Variants in DPCD observed in about 807,000 individuals in gnomAD.
The protein encoded by DPCD is deleted in primary ciliary dyskinesia homolog (mouse).
DPCD carries 20 observed loss-of-function variants against 26.4 expected under a neutral mutation model. The observed-to-expected ratio is 0.76, with a 90% CI of 0.53 to 1.10. The LOEUF is 1.10. Among genes scored for constraint, DPCD ranks in the 50% least tolerant of loss-of-function variants. The pLI, the probability that DPCD is intolerant of heterozygous loss-of-function variation, is 0.00. For missense variants in DPCD, 202 were observed against 253.9 expected, an observed-to-expected ratio of 0.80 and a Z score of 1.39; for synonymous variants, 97 against 94.2, an observed-to-expected ratio of 1.03 and a Z score of -0.17.
intron 1 of DPCD, among the ~76,000 whole-genome samples, chr10:101,589,564 C>T (rs2063565139): frequency 6.6e-6 from 1 of 151,798 alleles, no homozygotes; most frequent in Non-Finnish European, 1.5e-5. Flanking sequence ...GCAACATGGC[C>T]AAACCTCATC....
intron 2 of DPCD, among the ~76,000 whole-genome samples, chr10:101,597,298 G>C (rs961972164): frequency 3.9e-5 from 6 of 152,176 alleles, no homozygotes; most frequent in African/African-American, 1.4e-4. Context: ...TGACCCACTC[G>C]ATTCCCTTCG....
chr10:101,591,281 T>C (rs1014433108), intron 1 of DPCD, among the ~76,000 whole-genome samples: 2 of 152,246 alleles, frequency 1.3e-5, no homozygotes, highest in Admixed American at 1.3e-4. Context: ...GCTCTGAACA[T>C]GAGTATACAA....
chr10:101,609,229 T>C (rs564944476), intron 5 of DPCD, 138 bp from the exon 6 acceptor site: 2 of 816,360 alleles, frequency 2.4e-6, no homozygotes, highest in African/African-American at 3.4e-5. Flanking sequence ...CACATGACCT[T>C]GAGCAAATCA....
intron 4 of DPCD, among the ~76,000 whole-genome samples, chr10:101,604,252 T>C (rs1209000098): frequency 6.6e-6 from 1 of 152,262 alleles, no homozygotes; most frequent in East Asian, 1.9e-4. Flanking sequence ...TATAAATGTA[T>C]ATATAAAGTC....
chr10:101,596,017 A>C (rs1169225548), intron 2 of DPCD, among the ~76,000 whole-genome samples: 1 of 152,210 alleles, frequency 6.6e-6, no homozygotes, highest in African/African-American at 2.4e-5. Flanking sequence ...CACACAGAGC[A>C]AATAAAACAG....
In DPCD at chr10:101,608,944, T is replaced by C. The variant is rs1390864759; in HGVS notation, c.507+7T>C. The C allele has an allele frequency of 6.2e-7, 1 of 1,607,456 alleles. No individual in the cohort carries two copies. The highest frequency in any genetic ancestry group is 1.7e-5 in the Admixed American group (1 of 59,998). ...CTGCACCCTGATCATCTCTGTAAGA[T>C]TCACCCAGACTTCTTGGACACTGCA... is the stretch of plus-strand genomic sequence containing the variant. On this transcript the variant is annotated splice_region_variant and intron_variant, in intron 5 of 5. Transcript: ENST00000370151.
rs1273852864 is a variant in DPCD at position 101,601,207 on chromosome 10, T to C, written c.275T>C (p.Ile92Thr). Reference sequence around the variant, plus strand: ...AGTTGGATTTGCCTTCTGCAGCCTATCTTCATGCGCAAGGACACCAAGATG... The same window carrying C: ...AGTTGGATTTGCCTTCTGCAGCCTACCTTCATGCGCAAGGACACCAAGATG... ...ELIKESNANP[I>T]FMRKDTKMSF... Residue 92 changes from isoleucine to threonine, a missense_variant, in exon 4 of 6, where the codon ATC becomes ACC. By Grantham distance (89) the Ile-to-Thr change is moderately conservative. This residue lies in a region of DPCD where 118 missense variants were observed against 145.1 expected (regional missense o/e 0.81). Coordinates refer to ENST00000370151, the MANE Select transcript of DPCD (RefSeq NM_015448.3). 1.2e-6 allele frequency: 2 copies of C among 1,613,748 alleles called. No individual in the cohort carries two copies. The highest frequency in any genetic ancestry group is 1.1e-5 in the South Asian group (1 of 91,042).
At chr10:101,596,928 A>G (rs1407368377) in intron 2 of DPCD, among the ~76,000 whole-genome samples, 3 of 152,220 alleles carry the variant, frequency 2.0e-5, no homozygotes, top group South Asian at 2.1e-4. Flanking sequence ...AGAATTGCCA[A>G]TAGGTGTGCG....
rs1255147201 is a variant in DPCD at position 101,588,397 on chromosome 10, G to A, written c.61G>A (p.Asp21Asn). ...AGCCCAGAAGACTGCGCTGCTGCAG[G>A]ACGGTAACTCGAGGGTCCCCACGGG... ...RTAQKTALLQ[D>N]GRRKVHYLFP... is the part of the protein sequence containing the mutation. Residue 21 changes from aspartate (D) to asparagine (N), a missense_variant, in exon 1 of 6, where the codon GAC (aspartate) becomes AAC (asparagine). Asp to Asn is a conservative substitution (Grantham distance 23). Coordinates refer to ENST00000370151, the MANE Select transcript of DPCD (RefSeq NM_015448.3). 1 of 1,593,404 alleles carries A rather than the reference G, an allele frequency of 6.3e-7. No homozygotes were observed. Among genetic ancestry groups the A allele is most frequent in the East Asian group, 2.3e-5 (1 of 44,172 alleles).
intron 1 of DPCD, among the ~76,000 whole-genome samples, chr10:101,588,848 C>G (rs1384233369): frequency 6.6e-6 from 1 of 152,216 alleles, no homozygotes; most frequent in Admixed American, 6.5e-5. Context: ...TTGGGCCTCA[C>G]TTTCCTCATC....
intron 2 of DPCD, among the ~76,000 whole-genome samples, chr10:101,599,109 G>C (rs11191058): frequency 6.6e-6 from 1 of 152,056 alleles, no homozygotes; most frequent in African/African-American, 2.4e-5. Context: ...ATATGCCTGA[G>C]AAAAAAAGTA....
In DPCD at chr10:101,588,419, C is replaced by T. The variant is rs115375801; in HGVS notation, c.64+19C>T. 6,382 of 1,575,972 alleles carry T rather than the reference C, an allele frequency of 4.0e-3. 26 individuals are homozygous for T. The highest frequency in any genetic ancestry group is 4.5e-3 in the Non-Finnish European group (5,269 of 1,159,592). On this transcript the variant is annotated intron_variant, in intron 1 of 5. Coordinates refer to ENST00000370151, the MANE Select transcript of DPCD (RefSeq NM_015448.3). ...CAGGACGGTAACTCGAGGGTCCCCA[C>T]GGGCTCCTTCGTTTTTTTCCCTCAG...
At chr10:101,594,560 T>A in intron 1 of DPCD, 98 bp from the exon 2 acceptor site, 1 of 1,244,724 alleles carries the variant, frequency 8.0e-7, no homozygotes, top group Non-Finnish European at 1.2e-6. Flanking sequence ...TCCTCAGTAC[T>A]CCCAAGGCTG....
At chr10:101,599,746 T>G (rs373472731) in intron 2 of DPCD, among the ~76,000 whole-genome samples, 2 of 152,278 alleles carry the variant, frequency 1.3e-5, no homozygotes, top group East Asian at 3.9e-4. Context: ...ACTGTGCACT[T>G]TTTGAGTTGT....
chr10:101,606,762 G>A (rs2063735698), intron 4 of DPCD, among the ~76,000 whole-genome samples: 1 of 152,164 alleles, frequency 6.6e-6, no homozygotes, highest in Non-Finnish European at 1.5e-5. Flanking sequence ...TCTTGTCCAG[G>A]TGCTGGTGAG....
At chr10:101,599,323 T>C (rs1298498235) in intron 2 of DPCD, among the ~76,000 whole-genome samples, 1 of 152,190 alleles carries the variant, frequency 6.6e-6, no homozygotes, top group African/African-American at 2.4e-5. Flanking sequence ...TAACACTGAA[T>C]AGATTTGGAT....
At chr10:101,598,406 A>G (rs1249263400) in intron 2 of DPCD, among the ~76,000 whole-genome samples, 3 of 152,156 alleles carry the variant, frequency 2.0e-5, no homozygotes, top group Admixed American at 6.5e-5. Context: ...CACTTTCAGA[A>G]TAAAGTTTTA....
chr10:101,601,421 A>G, intron 4 of DPCD, 85 bp downstream of exon 4: 1 of 1,423,298 alleles, frequency 7.0e-7, no homozygotes, highest in Non-Finnish European at 9.5e-7. Flanking sequence ...ATCATTATTC[A>G]GGCCGGTCCT....
At chr10:101,593,124 C>T (rs1006309563) in intron 1 of DPCD, among the ~76,000 whole-genome samples, 4 of 152,078 alleles carry the variant, frequency 2.6e-5, no homozygotes, top group African/African-American at 4.8e-5. Flanking sequence ...ATTTAGTAAG[C>T]GCTGCATCCT....
Sources: allele counts gnomAD v4.1 joint callset (sites outside exome capture counted in the v4.1 genomes callset), GRCh38; gene constraint gnomAD v4.1.1; regional missense constraint gnomAD v4.1.1; transcripts MANE v1.5; gene names NCBI Gene and HGNC (gene_info 2026-07-23, HGNC 2026-07-21).